THSD7A: variants seen among roughly 807,000 people sequenced by gnomAD.
THSD7A encodes the protein thrombospondin type 1 domain containing 7A, also known as thrombospondin type-1 domain-containing protein 7A.
In THSD7A, 96 loss-of-function variants were observed where a neutral mutation model predicts 231.3. The observed-to-expected ratio is 0.41, with a 90% CI of 0.35 to 0.49. THSD7A has a LOEUF of 0.49. Ranked by LOEUF, THSD7A falls within the 20% of genes least tolerant of loss-of-function variation. The pLI is 0.05. For synonymous variants in THSD7A, 940 were observed against 743.3 expected, an observed-to-expected ratio of 1.26 and a Z score of -4.30; for missense variants, 2,290 against 2,070.2, an observed-to-expected ratio of 1.11 and a Z score of -2.06.
chr7:11,756,608 T>C (rs1782685165), intron 1 of THSD7A, among the ~76,000 whole-genome samples: 1 of 151,958 alleles, frequency 6.6e-6, no homozygotes, highest in African/African-American at 2.4e-5. Flanking sequence ...AAAAAAAATG[T>C]TCATTTAGTA....
chr7:11,790,541 C>CA (rs1783921202), intron 1 of THSD7A, among the ~76,000 whole-genome samples: 1 of 151,846 alleles, frequency 6.6e-6, no homozygotes, highest in African/African-American at 2.4e-5. Flanking sequence ...TGCATTTTTG[C>CA]ATGAAGAAAT....
rs150235768 is a variant in THSD7A at position 11,750,158 on chromosome 7, A to T, written c.190+81599T>A. On this transcript the variant is annotated intron_variant, in intron 1 of 27. Coordinates refer to ENST00000423059, the MANE Select transcript of THSD7A (RefSeq NM_015204.3). ...AAGATTATGACATAGGTTATATTTA[A>T]CTGTATAATATTTCGATGAGACAAG... Among the ~76,000 whole-genome samples the T allele has an allele frequency of 8.9e-3, 1,348 of 151,976 alleles. 16 individuals are homozygous for T. Among genetic ancestry groups the T allele is most frequent in the African/African-American group, 0.03 (1,252 of 41,500 alleles).
chr7:11,580,989 T>C (rs1201715920), intron 4 of THSD7A, among the ~76,000 whole-genome samples: 4 of 152,130 alleles, frequency 2.6e-5, no homozygotes, highest in Non-Finnish European at 5.9e-5. Flanking sequence ...GTTGAGTGAA[T>C]GAAAGAATAA....
At position 11,634,862 on chromosome 7, in the gene THSD7A, T is replaced by C. The variant is rs911369611; in HGVS notation, c.1022+1268A>G. Among the ~76,000 whole-genome samples the C allele has an allele frequency of 9.2e-5, 14 of 152,142 alleles. No individual in the cohort carries two copies. Among genetic ancestry groups the C allele is most frequent in the Admixed American group, 4.6e-4 (7 of 15,266 alleles). ...GACCAATCAATTTTTGTTTATCTAATTAAACTATATCCTTTTCCAAAAACA... is the reference window on the plus strand; with the variant it reads ...GACCAATCAATTTTTGTTTATCTAACTAAACTATATCCTTTTCCAAAAACA... On this transcript the variant is annotated intron_variant, in intron 2 of 27. Coordinates refer to ENST00000423059, the MANE Select transcript of THSD7A (RefSeq NM_015204.3). This position sits in a 1 kb window ranked among gnomAD's most constrained non-coding sequence, Gnocchi z 4.1.
intron 4 of THSD7A, among the ~76,000 whole-genome samples, chr7:11,577,086 G>T (rs1790946071): frequency 6.6e-6 from 1 of 152,064 alleles, no homozygotes; most frequent in African/African-American, 2.4e-5. Flanking sequence ...TGTATTAATG[G>T]GAAAACACTA....
At chr7:11,742,513 G>A (rs569007085) in intron 1 of THSD7A, among the ~76,000 whole-genome samples, 1 of 151,902 alleles carries the variant, frequency 6.6e-6, no homozygotes. Context: ...TGGATGTGGT[G>A]AAATAGCATG....
intron 1 of THSD7A, among the ~76,000 whole-genome samples, chr7:11,702,995 C>G (rs960360906): frequency 3.3e-5 from 5 of 151,234 alleles, no homozygotes; most frequent in South Asian, 2.1e-4. Flanking sequence ...TCTGGAAACT[C>G]TCTGAAGAAG....
At chr7:11,460,810 C>A (rs552490642) in intron 10 of THSD7A, 45 bp from the exon 11 acceptor site, 1 of 1,506,362 alleles carries the variant, frequency 6.6e-7, no homozygotes, top group East Asian at 2.3e-5. Context: ...AGCAAAAATG[C>A]CAGCAAATCA....
chr7:11,696,055 C>T (rs1005453731), intron 1 of THSD7A, among the ~76,000 whole-genome samples: 4 of 151,412 alleles, frequency 2.6e-5, no homozygotes, highest in Non-Finnish European at 5.9e-5. Flanking sequence ...GATTTCTACA[C>T]TGAGTTATTT....
At chr7:11,550,709 T>C (rs994365893) in intron 4 of THSD7A, among the ~76,000 whole-genome samples, 2 of 152,146 alleles carry the variant, frequency 1.3e-5, no homozygotes, top group African/African-American at 4.8e-5. Context: ...TAGTTCTTTA[T>C]ATCAATGTGA....
chr7:11,557,072 C>T (rs920303245), intron 4 of THSD7A, among the ~76,000 whole-genome samples: 6 of 151,788 alleles, frequency 4.0e-5, no homozygotes, highest in Non-Finnish European at 8.8e-5. Flanking sequence ...TGCCCTCTTT[C>T]TCCTCTTCTT....
chr7:11,583,596 C>T (rs964503815), intron 4 of THSD7A, among the ~76,000 whole-genome samples: 1 of 151,994 alleles, frequency 6.6e-6, no homozygotes, highest in Non-Finnish European at 1.5e-5. Context: ...ATTTCTAATA[C>T]AGTATTTTCA....
In THSD7A at chr7:11,815,986, A is replaced by G. The variant is rs150434894; in HGVS notation, c.190+15771T>C. On this transcript the variant is annotated intron_variant, in intron 1 of 27. Coordinates refer to ENST00000423059, the MANE Select transcript of THSD7A (RefSeq NM_015204.3). ...TCTGCCTGGAATTCTGTCTCTCTAT[A>G]GCCTTTCTCCATTGTGTAAACTGCT... 8.8e-3 allele frequency among the ~76,000 whole-genome samples: 1,337 copies of G among 152,132 alleles called. 14 individuals are homozygous for G. Among genetic ancestry groups the G allele is most frequent in the African/African-American group, 0.031 (1,282 of 41,504 alleles).
In THSD7A at chr7:11,634,748, G is replaced by A. The variant is rs560407096; in HGVS notation, c.1022+1382C>T. On this transcript the variant is annotated intron_variant, in intron 2 of 27. Coordinates refer to ENST00000423059, the MANE Select transcript of THSD7A (RefSeq NM_015204.3). The surrounding 1 kb of genome is among the most constrained non-coding windows in gnomAD (Gnocchi z 4.1). The stretch of plus-strand genomic sequence containing the variant: ...CGTACAGCTGAAATAAAATGCAATC[G>A]TGTCAATACAAAGAGGGGAGAGAGT... 4.6e-5 allele frequency among the ~76,000 whole-genome samples: 7 copies of A among 152,120 alleles called. No individual in the cohort carries two copies. The highest frequency in any genetic ancestry group is 1.9e-4 in the East Asian group (1 of 5,182).
At chr7:11,469,852 C>A in intron 9 of THSD7A, 27 bp downstream of exon 9, 1 of 1,507,670 alleles carries the variant, frequency 6.6e-7, no homozygotes, top group African/African-American at 1.4e-5. Context: ...TCTAGGTGAA[C>A]AGCCTTCCTA....
At chr7:11,465,321 T>C (rs929735144) in intron 9 of THSD7A, among the ~76,000 whole-genome samples, 2 of 152,196 alleles carry the variant, frequency 1.3e-5, no homozygotes, top group South Asian at 2.1e-4. Flanking sequence ...TTTGTTTTCA[T>C]TGGAAATAAC....
intron 1 of THSD7A, among the ~76,000 whole-genome samples, chr7:11,768,429 G>A (rs945282436): frequency 2.6e-5 from 4 of 152,182 alleles, no homozygotes; most frequent in Admixed American, 2.0e-4. Context: ...GCAACATGGA[G>A]TCATTTAGAC....
At chr7:11,597,034 A>G (rs1245833910) in intron 2 of THSD7A, among the ~76,000 whole-genome samples, 1 of 152,232 alleles carries the variant, frequency 6.6e-6, no homozygotes, top group African/African-American at 2.4e-5. Context: ...TCACTTCCAC[A>G]AAGTATCACA....
intron 1 of THSD7A, among the ~76,000 whole-genome samples, chr7:11,644,996 C>T (rs542313780): frequency 6.6e-6 from 1 of 152,000 alleles, no homozygotes; most frequent in African/African-American, 2.4e-5. Flanking sequence ...AAAGTGAAAG[C>T]CTGAGTCAAA....
Sources: gnomAD v4.1 joint callset for allele counts (sites outside exome capture counted in the v4.1 genomes callset) on GRCh38, gnomAD v4.1.1 for gene constraint, Gnocchi (gnomAD v3.1) non-coding constraint, MANE v1.5 for transcripts, NCBI Gene and HGNC (gene_info 2026-07-23, HGNC 2026-07-21) for gene names.